STPG2: variants seen among roughly 807,000 people sequenced by gnomAD.
STPG2 encodes sperm tail PG-rich repeat containing 2.
In STPG2, 56 loss-of-function variants were observed where a neutral mutation model predicts 54.2. That is an observed-to-expected ratio of 1.03 (90% CI 0.83 to 1.29). The LOEUF (loss-of-function observed/expected upper bound fraction) is 1.29. Among genes scored for constraint, STPG2 ranks in the 50% most tolerant of loss-of-function variants. The probability of loss-of-function intolerance (pLI) is 0.00; values close to 1 mark genes in which losing one functional copy is unlikely to be tolerated. For missense variants in STPG2, 596 were observed against 544.9 expected (o/e 1.09, Z -0.93); for synonymous variants, 200 against 181.8 (o/e 1.10, Z -0.81).
chr4:97,939,215 T>C (rs1732881921), intron 8 of STPG2, among the ~76,000 whole-genome samples: 1 of 152,198 alleles, frequency 6.6e-6, no homozygotes, highest in Non-Finnish European at 1.5e-5. Flanking sequence ...TTGTTGAAGA[T>C]TGTTTTATGT....
chr4:97,561,294 G>C (rs1256547534), intron 10 of STPG2, among the ~76,000 whole-genome samples: 1 of 151,986 alleles, frequency 6.6e-6, no homozygotes, highest in Non-Finnish European at 1.5e-5. Context: ...TTTTTGATGG[G>C]GTTGTTTTTT....
At chr4:97,723,169 T>G (rs1261877651) in intron 9 of STPG2, among the ~76,000 whole-genome samples, 1 of 152,072 alleles carries the variant, frequency 6.6e-6, no homozygotes. Flanking sequence ...TCTACTGAGC[T>G]TTTCCTAGGA....
intron 4 of STPG2, among the ~76,000 whole-genome samples, chr4:97,486,829 G>A (rs187466568): frequency 0.17 from 14,922 of 90,004 alleles, 987 homozygotes; most frequent in Admixed American, 0.26. Flanking sequence ...GTGTGTGTGT[G>A]TATATATATA....
At position 97,797,413 on chromosome 4, in the gene STPG2, G is replaced by C. The variant is rs537184673; in HGVS notation, c.1204+43360C>G. On this transcript the variant is annotated intron_variant, in intron 9 of 10. Transcript: ENST00000295268. ...TTAGCATGAAGGGCTGTTGAATTTT[G>C]TCAAAGGCCTTTTCTGCATCTATTG... 2.2e-3 allele frequency among the ~76,000 whole-genome samples: 340 copies of C among 152,236 alleles called. 2 individuals carry two copies. The highest frequency in any genetic ancestry group is 3.3e-3 in the Non-Finnish European group (226 of 68,012).
chr4:97,519,100 G>C (rs1731131374), intron 4 of STPG2, among the ~76,000 whole-genome samples: 1 of 152,094 alleles, frequency 6.6e-6, no homozygotes, highest in Non-Finnish European at 1.5e-5. Flanking sequence ...CAGTGGTTTA[G>C]ATTTAAGACC....
At chr4:97,698,266 T>C (rs1723650318) in intron 10 of STPG2, among the ~76,000 whole-genome samples, 1 of 152,160 alleles carries the variant, frequency 6.6e-6, no homozygotes, top group Non-Finnish European at 1.5e-5. Context: ...CCCATTAAGC[T>C]TAATCACAGG....
intron 9 of STPG2, among the ~76,000 whole-genome samples, chr4:97,786,607 G>A (rs779981280): frequency 3.9e-5 from 6 of 152,034 alleles, no homozygotes; most frequent in South Asian, 4.1e-4. Context: ...TACACTGTTC[G>A]GAGTAGGGTG....
At chr4:97,993,935 C>G (rs1005395842) in intron 5 of STPG2, among the ~76,000 whole-genome samples, 6 of 151,968 alleles carry the variant, frequency 3.9e-5, no homozygotes, top group Admixed American at 3.9e-4. Flanking sequence ...TTTAATAGTT[C>G]CTGTTTCATT....
At chr4:97,451,607 C>A (rs947365770) in intron 4 of STPG2, among the ~76,000 whole-genome samples, 1 of 151,822 alleles carries the variant, frequency 6.6e-6, no homozygotes, top group Non-Finnish European at 1.5e-5. Flanking sequence ...GTGAAATGTG[C>A]CAGAAAATAC....
chr4:97,820,114 C>CATT (rs1404427291), intron 9 of STPG2, among the ~76,000 whole-genome samples: 2 of 151,958 alleles, frequency 1.3e-5, no homozygotes, highest in East Asian at 1.9e-4. Context: ...CAGACTTTTC[C>CATT]ATTATTATTA....
intron 9 of STPG2, among the ~76,000 whole-genome samples, chr4:97,768,449 G>A (rs529122261): frequency 6.6e-6 from 1 of 152,148 alleles, no homozygotes. Context: ...TGGGCAAAGG[G>A]AACAGGAATT....
chr4:98,130,927 A>AAG, intron 2 of STPG2, among the ~76,000 whole-genome samples: 1 of 142,916 alleles, frequency 7.0e-6, no homozygotes, highest in Non-Finnish European at 1.5e-5. Context: ...GTCTCAAAAA[A>AAG]AAAAAAAAAA....
chr4:98,138,706 T>A (rs1740200910), intron 1 of STPG2, among the ~76,000 whole-genome samples: 1 of 151,964 alleles, frequency 6.6e-6, no homozygotes, highest in Admixed American at 6.6e-5. Context: ...GATAGGCAAA[T>A]AAGAAAAAAT....
chr4:97,859,712 T>C (rs928532005), intron 8 of STPG2, among the ~76,000 whole-genome samples: 6 of 152,166 alleles, frequency 3.9e-5, no homozygotes, highest in African/African-American at 2.4e-5. Flanking sequence ...ATCCGCCAAC[T>C]TGGCCTCCCA....
At chr4:97,678,698 A>G (rs980851224) in intron 10 of STPG2, among the ~76,000 whole-genome samples, 2 of 151,900 alleles carry the variant, frequency 1.3e-5, no homozygotes, top group African/African-American at 4.8e-5. Context: ...ATATGTATAC[A>G]TGTGCCATGC....
At chr4:97,979,728 CTTT>C (rs769113705) in intron 6 of STPG2, among the ~76,000 whole-genome samples, 1 of 140,188 alleles carries the variant, frequency 7.1e-6, no homozygotes, top group Non-Finnish European at 1.6e-5. Context: ...TCCACAATTT[CTTT>C]TTTTTTTTTT....
At chr4:97,923,834 G>C (rs906358725) in intron 8 of STPG2, among the ~76,000 whole-genome samples, 4 of 152,168 alleles carry the variant, frequency 2.6e-5, no homozygotes, top group Non-Finnish European at 5.9e-5. Context: ...GTCTAGCTCA[G>C]GGATTGTAAA....
chr4:97,728,681 G>GA (rs762428858), intron 9 of STPG2, among the ~76,000 whole-genome samples: 30 of 143,938 alleles, frequency 2.1e-4, no homozygotes, highest in East Asian at 6.1e-4. Flanking sequence ...CAGAGCTGAG[G>GA]AAAAAAAAAA....
At chr4:97,864,701 G>C (rs1022797240) in intron 8 of STPG2, among the ~76,000 whole-genome samples, 1 of 152,066 alleles carries the variant, frequency 6.6e-6, no homozygotes, top group Non-Finnish European at 1.5e-5. Context: ...ATACTACAAG[G>C]CTGCAGTAAC....
Sources: gnomAD v4.1 joint callset for allele counts (sites outside exome capture counted in the v4.1 genomes callset) on GRCh38, gnomAD v4.1.1 for gene constraint, MANE v1.5 for transcripts, NCBI Gene and HGNC (gene_info 2026-07-23, HGNC 2026-07-21) for gene names.